The following CLNK variants were observed in gnomAD, a reference collection of about 807,000 sequenced individuals.
The protein encoded by CLNK is cytokine-dependent hematopoietic cell linker.
In CLNK, 74 loss-of-function variants were observed where a neutral mutation model predicts 68.6. The ratio of observed to expected loss-of-function variants is 1.08; its 90% CI spans 0.89 to 1.31. The LOEUF is 1.31. CLNK is among the 50% of genes most tolerant of loss of function. The pLI, the probability that CLNK is intolerant of heterozygous loss-of-function variation, is 0.00. For missense variants in CLNK, 553 were observed against 515.3 expected, an observed-to-expected ratio of 1.07 and a Z score of -0.71; for synonymous variants, 198 against 172.2, an observed-to-expected ratio of 1.15 and a Z score of -1.17.
chr4:10,618,722 G>A (rs936335535), intron 2 of CLNK, among the ~76,000 whole-genome samples: 1 of 152,138 alleles, frequency 6.6e-6, no homozygotes, highest in Non-Finnish European at 1.5e-5. Context: ...CATCTTCCAT[G>A]GCAGAAGCAG....
At chr4:10,569,609 T>C (rs1720262831) in intron 5 of CLNK, among the ~76,000 whole-genome samples, 1 of 152,152 alleles carries the variant, frequency 6.6e-6, no homozygotes, top group Non-Finnish European at 1.5e-5. Context: ...AGGCTCTGGG[T>C]CTGAACACTA....
chr4:10,633,989 G>C (rs1222395543), intron 2 of CLNK, among the ~76,000 whole-genome samples: 3 of 152,218 alleles, frequency 2.0e-5, no homozygotes, highest in African/African-American at 7.2e-5. Flanking sequence ...TTACAGACAA[G>C]GAAAATGAGA....
chr4:10,734,105 C>G, the CLNK span, among the ~76,000 whole-genome samples: 56 of 152,268 alleles, frequency 3.7e-4, no homozygotes, highest in East Asian at 9.9e-3. Flanking sequence ...TAGTCATTAT[C>G]TCATTTTTTT....
At position 10,564,529 on chromosome 4, in the gene CLNK, G is replaced by C. The variant is rs562015481; in HGVS notation, c.399+142C>G. ...AAGAGTCACCTCCTACCAGTCATAA[G>C]AGTCACCTCCCATCCACCTCAGTGA... On this transcript the variant is annotated intron_variant, in intron 7 of 18. Transcript: ENST00000226951. The C allele has an allele frequency of 1.8e-4, 118 of 638,026 alleles. No individual in the cohort carries two copies. In the South Asian group the frequency reaches 2.1e-3, roughly 11 times the overall value. The allele number at this position is 638,026 out of a possible 1,614,324, so 39.5% of individuals were successfully genotyped here. A position where few individuals can be genotyped will look rare whatever the true frequency, so the allele number is the denominator to read the frequency against.
At chr4:10,722,328 A>G in the CLNK span, among the ~76,000 whole-genome samples, 1 of 152,106 alleles carries the variant, frequency 6.6e-6, no homozygotes, top group East Asian at 1.9e-4. Context: ...GCTCCTAAAT[A>G]TGAAACACAA....
the CLNK span, among the ~76,000 whole-genome samples, chr4:10,711,527 T>C: frequency 6.6e-6 from 1 of 152,234 alleles, no homozygotes; most frequent in East Asian, 1.9e-4. Context: ...GTTTTCTTCA[T>C]GGAGTCTTAT....
At chr4:10,730,822 A>C in the CLNK span, among the ~76,000 whole-genome samples, 3 of 152,148 alleles carry the variant, frequency 2.0e-5, no homozygotes, top group Admixed American at 6.5e-5. Flanking sequence ...TAACCATCAC[A>C]TGCATACTGT....
At position 10,548,391 on chromosome 4, in the gene CLNK, A is replaced by G. The variant is rs369140258; in HGVS notation, c.446-6111T>C. 4.6e-5 allele frequency among the ~76,000 whole-genome samples: 7 copies of G among 152,280 alleles called. No homozygotes were observed. The East Asian group carries it at 1.4e-3, about 29-fold the overall frequency. On this transcript the variant is annotated intron_variant, in intron 8 of 18. Transcript: ENST00000226951. The stretch of plus-strand genomic sequence containing the variant: ...CTTCAGTTGTATCAGTTCCTTGTCT[A>G]TATTGAACATTAACCCTTATCAGGT...
At position 10,487,957 on chromosome 4, in the gene CLNK, T is replaced by A. The variant is rs1384029991; in HGVS notation, c.*2510A>T. ...TTGCACTTCTAACTTTGTCCTGGTGTCTGAGTTCTAGAAAACCCGACACCC... is the reference window on the plus strand; with the variant it reads ...TTGCACTTCTAACTTTGTCCTGGTGACTGAGTTCTAGAAAACCCGACACCC... On this transcript the variant is annotated 3_prime_UTR_variant, in exon 19 of 19. Coordinates refer to ENST00000226951, the MANE Select transcript of CLNK (RefSeq NM_052964.4). 1 of 152,210 alleles carries A rather than the reference T, an allele frequency of 6.6e-6. No homozygotes were observed. Among genetic ancestry groups the A allele is most frequent in the Non-Finnish European group, 1.5e-5 (1 of 68,052 alleles). The allele number at this position is 152,210 out of a possible 1,614,324, so 9.4% of individuals were successfully genotyped here.
intron 4 of CLNK, among the ~76,000 whole-genome samples, chr4:10,577,215 G>A (rs12512073): frequency 0.4 from 61,395 of 152,082 alleles, 14,373 homozygotes; most frequent in Non-Finnish European, 0.54. Context: ...ACCAGCTTCC[G>A]GTTTCATTTC....
At chr4:10,636,012 C>T (rs763077448) in intron 2 of CLNK, 3 of 152,176 alleles carry the variant, frequency 2.0e-5, no homozygotes, top group Non-Finnish European at 4.4e-5. Context: ...GGAACAAACA[C>T]TATACTCAAA....
intron 6 of CLNK, among the ~76,000 whole-genome samples, chr4:10,565,292 T>A (rs1377672125): frequency 6.6e-6 from 1 of 152,234 alleles, no homozygotes; most frequent in Non-Finnish European, 1.5e-5. Context: ...ACTGAATGAA[T>A]GAACAAGAAA....
intron 15 of CLNK, among the ~76,000 whole-genome samples, chr4:10,515,883 C>A (rs921402405): frequency 6.6e-6 from 1 of 152,138 alleles, no homozygotes; most frequent in African/African-American, 2.4e-5. Context: ...AAGTACAAGA[C>A]AGACCAAGGG....
intron 2 of CLNK, among the ~76,000 whole-genome samples, chr4:10,665,205 G>A (rs971035095): frequency 1.3e-5 from 2 of 152,204 alleles, no homozygotes; most frequent in African/African-American, 2.4e-5. Flanking sequence ...CAAATCTAAG[G>A]TGACTGTAAA....
At chr4:10,717,308 A>G in the CLNK span, among the ~76,000 whole-genome samples, 1 of 152,174 alleles carries the variant, frequency 6.6e-6, no homozygotes, top group African/African-American at 2.4e-5. Flanking sequence ...TGGAGTAAAA[A>G]GCCGTGGCCG....
At chr4:10,650,177 TG>T (rs1207947694) in intron 2 of CLNK, among the ~76,000 whole-genome samples, 5 of 152,162 alleles carry the variant, frequency 3.3e-5, no homozygotes, top group African/African-American at 1.2e-4. Context: ...TTAACTGATA[TG>T]TAAATCCTTA....
chr4:10,631,111 CT>C (rs1171446261), intron 2 of CLNK, among the ~76,000 whole-genome samples: 1 of 151,188 alleles, frequency 6.6e-6, no homozygotes, highest in East Asian at 1.9e-4. Flanking sequence ...CTCTTTTGGC[CT>C]TCTGTGTCTC....
At chr4:10,520,659 T>C in intron 15 of CLNK, 132 bp downstream of exon 15, 1 of 623,342 alleles carries the variant, frequency 1.6e-6, no homozygotes, top group Non-Finnish European at 2.9e-6. Flanking sequence ...AGTAACGCAA[T>C]GGAAATGAGC....
At position 10,501,465 on chromosome 4, in the gene CLNK, T is replaced by G. The variant is rs981752622; in HGVS notation, c.985-54A>C. On this transcript the variant is annotated intron_variant, in intron 17 of 18. Coordinates refer to ENST00000226951, the MANE Select transcript of CLNK (RefSeq NM_052964.4). ...TTCAGACACGCCAGCATTCTGCCCT[T>G]GTAATGGTGGCAACAATGATGTCTG... The G allele has an allele frequency of 2.6e-6, 4 of 1,547,526 alleles. No individual in the cohort carries two copies. In the Admixed American group the frequency reaches 8.3e-5, roughly 32 times the overall value.
Sources: gnomAD v4.1 joint callset for allele counts (sites outside exome capture counted in the v4.1 genomes callset) on GRCh38, gnomAD v4.1.1 for gene constraint, MANE v1.5 for transcripts, NCBI Gene and HGNC (gene_info 2026-07-23, HGNC 2026-07-21) for gene names.